The following IQCM variants were observed in gnomAD, a reference collection of about 807,000 sequenced individuals.
IQCM encodes IQ domain-containing protein M.
Under a neutral mutation model 57.6 loss-of-function variants are expected in IQCM, and 45 were observed. The ratio of observed to expected loss-of-function variants is 0.78; its 90% CI spans 0.62 to 1.00. The LOEUF (loss-of-function observed/expected upper bound fraction) is 1.00. Ranked by LOEUF, IQCM falls within the 50% of genes least tolerant of loss-of-function variation. The pLI is 0.00. For missense variants in IQCM, 468 were observed against 511.6 expected (o/e 0.91, Z 0.82); for synonymous variants, 148 against 158.9 (o/e 0.93, Z 0.51).
chr4:149,354,802 T>A (rs1412640541), intron 13 of IQCM, among the ~76,000 whole-genome samples: 1 of 152,156 alleles, frequency 6.6e-6, no homozygotes, highest in African/African-American at 2.4e-5. Flanking sequence ...CAAAACTATA[T>A]GTCAAAAGAT....
chr4:149,681,419 T>C (rs1238683399), intron 7 of IQCM, among the ~76,000 whole-genome samples: 1 of 151,304 alleles, frequency 6.6e-6, no homozygotes, highest in African/African-American at 2.4e-5. Context: ...GAATATTGAT[T>C]GGAATCATGA....
chr4:149,387,368 C>T (rs890299903), intron 13 of IQCM, among the ~76,000 whole-genome samples: 21 of 152,148 alleles, frequency 1.4e-4, no homozygotes, highest in African/African-American at 5.1e-4. Context: ...GTGACACAGA[C>T]TTTCCGATCA....
chr4:149,469,387 A>G (rs929573194), intron 12 of IQCM, among the ~76,000 whole-genome samples: 1 of 152,234 alleles, frequency 6.6e-6, no homozygotes, highest in African/African-American at 2.4e-5. Context: ...ATTGAAGATC[A>G]AATGAATGAA....
At chr4:149,695,802 G>T (rs1351742634) in intron 5 of IQCM, among the ~76,000 whole-genome samples, 2 of 151,940 alleles carry the variant, frequency 1.3e-5, no homozygotes, top group East Asian at 3.9e-4. Flanking sequence ...CAAGATTTTG[G>T]GTGGCTATTA....
chr4:149,549,390 C>T (rs935302488), intron 11 of IQCM, among the ~76,000 whole-genome samples: 14 of 150,864 alleles, frequency 9.3e-5, no homozygotes, highest in African/African-American at 2.7e-4. Flanking sequence ...TAGTGGCGGG[C>T]GCCTGTAGTC....
Position 149,353,296 on chromosome 4 carries a change from G to T in IQCM, c.1391-1230C>A, listed in dbSNP as rs533266941. Among the ~76,000 whole-genome samples, 3 of 152,312 alleles carry T rather than the reference G, an allele frequency of 2.0e-5. No homozygotes were observed. The South Asian group carries it at 6.2e-4, about 32-fold the overall frequency. On this transcript the variant is annotated intron_variant, in intron 13 of 13. Transcript: ENST00000636793. ...AAGTCTAGATAACAAATGTTAGCAA[G>T]AGTGCGGATAAAAGGAAACACTTAT...
At chr4:149,751,496 C>G (rs1410151599) in intron 2 of IQCM, among the ~76,000 whole-genome samples, 1 of 152,132 alleles carries the variant, frequency 6.6e-6, no homozygotes, top group African/African-American at 2.4e-5. Flanking sequence ...GGCTTTAAAA[C>G]TTAAGGTCCT....
chr4:149,448,945 T>C (rs1029216618), intron 12 of IQCM, among the ~76,000 whole-genome samples: 2 of 151,744 alleles, frequency 1.3e-5, no homozygotes, highest in African/African-American at 4.8e-5. Flanking sequence ...GATATTTGAA[T>C]AGGAAGGAAT....
At chr4:149,779,121 A>G (rs1771368833) in intron 2 of IQCM, among the ~76,000 whole-genome samples, 1 of 152,190 alleles carries the variant, frequency 6.6e-6, no homozygotes, top group African/African-American at 2.4e-5. Context: ...TTTAAAAATT[A>G]CACACCATGA....
At chr4:149,364,983 T>A (rs1350293798) in intron 13 of IQCM, among the ~76,000 whole-genome samples, 1 of 152,002 alleles carries the variant, frequency 6.6e-6, no homozygotes, top group African/African-American at 2.4e-5. Context: ...TATATATATA[T>A]AAAATTATAG....
intron 8 of IQCM, among the ~76,000 whole-genome samples, chr4:149,619,295 T>C (rs978235174): frequency 2.0e-5 from 3 of 151,856 alleles, no homozygotes; most frequent in South Asian, 2.1e-4. Flanking sequence ...TGGGTAGCGA[T>C]GGTCATCCAA....
At chr4:149,576,696 C>T (rs1345451782) in intron 9 of IQCM, among the ~76,000 whole-genome samples, 1 of 151,894 alleles carries the variant, frequency 6.6e-6, no homozygotes, top group Non-Finnish European at 1.5e-5. Context: ...AATAGCATTG[C>T]CATGAACATA....
At chr4:149,369,684 T>C (rs1295768479) in intron 13 of IQCM, among the ~76,000 whole-genome samples, 1 of 151,984 alleles carries the variant, frequency 6.6e-6, no homozygotes, top group African/African-American at 2.4e-5. Context: ...CATAAGAAAA[T>C]TAAACAAGTG....
intron 12 of IQCM, among the ~76,000 whole-genome samples, chr4:149,509,038 A>T (rs906190531): frequency 6.6e-6 from 1 of 152,122 alleles, no homozygotes; most frequent in Non-Finnish European, 1.5e-5. Flanking sequence ...TGATTGTAAG[A>T]CCTTACCAGC....
chr4:149,632,122 T>C (rs1757318696), intron 7 of IQCM, among the ~76,000 whole-genome samples: 2 of 152,192 alleles, frequency 1.3e-5, no homozygotes, highest in Admixed American at 1.3e-4. Flanking sequence ...AATCCCAGCA[T>C]TGGGAAATCT....
At chr4:149,365,901 T>C (rs7671718) in intron 13 of IQCM, among the ~76,000 whole-genome samples, 2,426 of 152,228 alleles carry the variant, frequency 0.016, 72 homozygotes, top group African/African-American at 0.056. Flanking sequence ...AATTAGATGC[T>C]GGAATGGAAA....
chr4:149,733,547 T>C (rs1580154673), intron 4 of IQCM, 39 bp from the exon 5 acceptor site: 1 of 992,158 alleles, frequency 1.0e-6, no homozygotes, highest in East Asian at 3.3e-5. Context: ...CAAAATTTAA[T>C]TTTAGTATGC....
chr4:149,598,442 G>T (rs1753974567), intron 8 of IQCM, among the ~76,000 whole-genome samples: 1 of 152,018 alleles, frequency 6.6e-6, no homozygotes, highest in Admixed American at 6.6e-5. Flanking sequence ...AGAAATGAAA[G>T]ATAGCACAAG....
intron 5 of IQCM, among the ~76,000 whole-genome samples, chr4:149,730,391 G>A (rs1561208859): frequency 6.6e-6 from 1 of 152,056 alleles, no homozygotes; most frequent in South Asian, 2.1e-4. Flanking sequence ...CAGTAAACAT[G>A]CTAAAATGCA....
Sources: gnomAD v4.1 joint callset for allele counts (sites outside exome capture counted in the v4.1 genomes callset) on GRCh38, gnomAD v4.1.1 for gene constraint, MANE v1.5 for transcripts, NCBI Gene and HGNC (gene_info 2026-07-23, HGNC 2026-07-21) for gene names.